HOOK1: variants seen among roughly 807,000 people sequenced by gnomAD.
The protein encoded by HOOK1 is protein Hook homolog 1.
HOOK1 carries 60 observed loss-of-function variants against 112.8 expected under a neutral mutation model. The observed-to-expected ratio is 0.53, with a 90% CI of 0.43 to 0.66. HOOK1 has a LOEUF of 0.66. HOOK1 is among the 30% of genes least tolerant of loss of function. The pLI is 0.00. For synonymous variants in HOOK1, 294 were observed against 283.8 expected (o/e 1.04, Z -0.36); for missense variants, 770 against 856.0 (o/e 0.90, Z 1.25).
At position 59,873,764 on chromosome 1, in the gene HOOK1, T is replaced by TAC. The variant is rs1491083789; in HGVS notation, c.*800_*801dup. ...ATATATATATATATATATATATATA[T>TAC]ACTTTTTGTGAAATGTCTATATACT... On this transcript the variant is annotated 3_prime_UTR_variant, in exon 22 of 22. Transcript: ENST00000371208. 1.5e-5 allele frequency: 2 copies of TAC among 135,390 alleles called. No individual in the cohort carries two copies. Among genetic ancestry groups the TAC allele is most frequent in the African/African-American group, 2.7e-5 (1 of 36,880 alleles). 8.4% of individuals were successfully genotyped at this position (135,390 alleles called of 1,614,324 possible). A position where few individuals can be genotyped will look rare whatever the true frequency, so the allele number is the denominator to read the frequency against.
intron 7 of HOOK1, among the ~76,000 whole-genome samples, 157 bp from the exon 8 acceptor site, chr1:59,840,150 CT>C (rs988635803): frequency 2.6e-5 from 4 of 151,798 alleles, no homozygotes; most frequent in African/African-American, 2.4e-5. Context: ...CTAAAATTCT[CT>C]TTTTTTTGTT....
At chr1:59,828,609 C>T (rs565364444) in intron 2 of HOOK1, among the ~76,000 whole-genome samples, 171 bp from the exon 3 acceptor site, 112 of 152,176 alleles carry the variant, frequency 7.4e-4, no homozygotes, top group African/African-American at 2.6e-3. Flanking sequence ...ATTGAAGGTG[C>T]AAATAACTTA....
rs906514763 is a variant in HOOK1 at position 59,815,144 on chromosome 1, G to A, written c.27G>A (p.Gln9=). The A allele has an allele frequency of 9.7e-6, 15 of 1,543,048 alleles. No homozygotes were observed. Among genetic ancestry groups the A allele is most frequent in the Non-Finnish European group, 1.3e-5 (15 of 1,146,582 alleles). MEETQPPP[Q]PKLPLCDSLM... ...TGGAGGAGACGCAGCCGCCGCCGCA[G>A]CCTAAGCTGCCCCTGTGCGACAGCC... The change falls in exon 1 of 22, where the codon CAG becomes CAA. Residue 9 remains glutamine, a synonymous_variant. Coordinates refer to ENST00000371208, the MANE Select transcript of HOOK1 (RefSeq NM_015888.6).
intron 12 of HOOK1, among the ~76,000 whole-genome samples, chr1:59,850,533 G>A (rs113932711): frequency 2.6e-5 from 4 of 151,492 alleles, no homozygotes; most frequent in African/African-American, 9.6e-5. Context: ...GATCCATTTG[G>A]TATATGGTGT....
At chr1:59,820,847 G>A (rs1488832339) in intron 1 of HOOK1, among the ~76,000 whole-genome samples, 2 of 152,138 alleles carry the variant, frequency 1.3e-5, no homozygotes, top group Non-Finnish European at 1.5e-5. Context: ...CTCACATAGC[G>A]TAGGAGCTTA....
At position 59,864,621 on chromosome 1, in the gene HOOK1, A is replaced by T. The variant is rs539076647; in HGVS notation, c.1627-11A>T. On this transcript the variant is annotated splice_polypyrimidine_tract_variant and intron_variant, in intron 16 of 21. Coordinates refer to ENST00000371208, the MANE Select transcript of HOOK1 (RefSeq NM_015888.6). ...TAGTCATCTTACAGCAATTTTTTTTAAATTTTATAGTCCAGCAAATTAAAG... is the reference window on the plus strand; with the variant it reads ...TAGTCATCTTACAGCAATTTTTTTTTAATTTTATAGTCCAGCAAATTAAAG... 3.9e-6 allele frequency: 6 copies of T among 1,519,394 alleles called. No homozygotes were observed. The highest frequency in any genetic ancestry group is 3.5e-5 in the Admixed American group (2 of 56,406). The allele number at this position is 1,519,394 out of a possible 1,614,324, so 94.1% of individuals were successfully genotyped here. A position where few individuals can be genotyped will look rare whatever the true frequency, so the allele number is the denominator to read the frequency against.
rs1644104753 is a variant in HOOK1, at chr1:59,874,535, A to G, written c.*1570A>G. On this transcript the variant is annotated 3_prime_UTR_variant, in exon 22 of 22. Coordinates refer to ENST00000371208, the MANE Select transcript of HOOK1 (RefSeq NM_015888.6). Reference sequence around the variant, plus strand: ...TTCTGTGAATGGACAAAGAGTAAATACTTTAGTAAATGTCTTAGGCTTTGT... The same window carrying G: ...TTCTGTGAATGGACAAAGAGTAAATGCTTTAGTAAATGTCTTAGGCTTTGT... 4 of 152,228 alleles carry G rather than the reference A, an allele frequency of 2.6e-5. No homozygotes were observed. The South Asian group carries it at 8.3e-4, about 31-fold the overall frequency. The allele number at this position is 152,228 out of a possible 1,614,324, so 9.4% of individuals were successfully genotyped here.
Position 59,849,065 on chromosome 1 carries a change from G to T in HOOK1, c.1132-8G>T. 1.3e-6 allele frequency: 2 copies of T among 1,576,858 alleles called. No homozygotes were observed. Among genetic ancestry groups the T allele is most frequent in the African/African-American group, 1.4e-5 (1 of 73,564 alleles). On this transcript the variant is annotated splice_region_variant and splice_polypyrimidine_tract_variant and intron_variant, in intron 11 of 21. Transcript: ENST00000371208. ...AAGGACCTTTTTTCCTTTTGTTTCTGACATTAGGTTCAAGATCTTCATGTT... is the reference window on the plus strand; with the variant it reads ...AAGGACCTTTTTTCCTTTTGTTTCTTACATTAGGTTCAAGATCTTCATGTT...
At chr1:59,868,445 C>A in intron 20 of HOOK1, 94 bp downstream of exon 20, 2 of 806,778 alleles carry the variant, frequency 2.5e-6, no homozygotes, top group Non-Finnish European at 4.1e-6. Context: ...TCAAGTTTTA[C>A]AAGAAGTTAA....
rs1482041602 is a variant in HOOK1, at chr1:59,847,136, A to T, written c.880A>T (p.Ser294Cys). 1 of 1,607,030 alleles carries T rather than the reference A, an allele frequency of 6.2e-7. No homozygotes were observed. The highest frequency in any genetic ancestry group is 1.3e-5 in the African/African-American group (1 of 74,504). The change falls in exon 10 of 22, where the codon AGT becomes TGT. Residue 294 changes from serine (S) to cysteine (C), a missense_variant. By Grantham distance (112) the Ser-to-Cys change is moderately radical (BLOSUM62 -1). Coordinates refer to ENST00000371208, the MANE Select transcript of HOOK1 (RefSeq NM_015888.6). ...CCAGCATAGGAATGATGAATTGACT[A>T]GTCTTGCAGAAGAAACAAGAGCCCT... ...EFQHRNDELT[S>C]LAEETRALKD...
At chr1:59,823,040 G>C (rs1402850807) in intron 2 of HOOK1, among the ~76,000 whole-genome samples, 1 of 152,160 alleles carries the variant, frequency 6.6e-6, no homozygotes, top group African/African-American at 2.4e-5. Context: ...TGTTTGATTG[G>C]CCGGGTGCGG....
At chr1:59,856,501 G>C (rs999130959) in intron 12 of HOOK1, among the ~76,000 whole-genome samples, 1 of 150,994 alleles carries the variant, frequency 6.6e-6, no homozygotes, top group African/African-American at 2.4e-5. Context: ...CTGTGTATAG[G>C]CTATTCTGTT....
intron 16 of HOOK1, 92 bp downstream of exon 16, chr1:59,862,969 A>G (rs745966639): frequency 1.1e-5 from 8 of 726,572 alleles, no homozygotes; most frequent in Non-Finnish European, 1.7e-5. Flanking sequence ...TGGAAAGTAC[A>G]GCCCTTATCA....
chr1:59,817,306 G>A (rs903786728), intron 1 of HOOK1, among the ~76,000 whole-genome samples: 5 of 152,064 alleles, frequency 3.3e-5, no homozygotes, highest in Admixed American at 1.3e-4. Flanking sequence ...CACTACCCTT[G>A]AGTTTCTTTC....
intron 1 of HOOK1, among the ~76,000 whole-genome samples, chr1:59,818,843 A>T (rs2098383466): frequency 6.6e-6 from 1 of 152,168 alleles, no homozygotes; most frequent in Non-Finnish European, 1.5e-5. Context: ...ATATGAAAAT[A>T]AAGTTGATCC....
chr1:59,849,664 A>G (rs1286901479), intron 12 of HOOK1, among the ~76,000 whole-genome samples: 1 of 151,292 alleles, frequency 6.6e-6, no homozygotes, highest in Non-Finnish European at 1.5e-5. Flanking sequence ...TCTCAGCCCT[A>G]CTCTTAATAA....
intron 15 of HOOK1, 38 bp from the exon 16 acceptor site, chr1:59,862,746 T>A (rs1420976779): frequency 7.9e-7 from 1 of 1,273,760 alleles, no homozygotes; most frequent in Non-Finnish European, 1.1e-6. Context: ...GCTTTGACTT[T>A]CAATACAAGT....
At chr1:59,844,626 C>T (rs12092576) in intron 9 of HOOK1, among the ~76,000 whole-genome samples, 34,437 of 151,750 alleles carry the variant, frequency 0.23, 4,958 homozygotes, top group African/African-American at 0.42. Flanking sequence ...TCAGTTTCTA[C>T]TAAAAACCTT....
chr1:59,860,186 A>G lies in HOOK1; in HGVS notation c.1392-2A>G. 1 of 1,588,490 alleles carries G rather than the reference A, an allele frequency of 6.3e-7. No homozygotes were observed. On this transcript the variant is annotated splice_acceptor_variant, in intron 14 of 21. Transcript: ENST00000371208. LOFTEE classifies it high-confidence loss of function. ...AAAAAAGATTTTGCTTTGTAACATC[A>G]GGGAGGTGTTTATTCGACTGCAACA... is the stretch of plus-strand genomic sequence containing the variant.
Sources: gnomAD v4.1 joint callset for allele counts (sites outside exome capture counted in the v4.1 genomes callset) on GRCh38, gnomAD v4.1.1 for gene constraint, MANE v1.5 for transcripts, NCBI Gene and HGNC (gene_info 2026-07-23, HGNC 2026-07-21) for gene names.